The following TSPAN11 variants were observed in gnomAD, a reference collection of about 807,000 sequenced individuals.
TSPAN11 encodes the protein tetraspanin-11.
TSPAN11 carries 29 observed loss-of-function variants against 32.9 expected under a neutral mutation model. The ratio of observed to expected loss-of-function variants is 0.88; its 90% CI spans 0.66 to 1.20. The LOEUF (loss-of-function observed/expected upper bound fraction) is 1.20, where lower values mean the gene tolerates loss of function less well. Ranked by LOEUF, TSPAN11 falls within the 50% of genes most tolerant of loss-of-function variation. The pLI, the probability that TSPAN11 is intolerant of heterozygous loss-of-function variation, is 0.00. For synonymous variants in TSPAN11, 140 were observed against 141.3 expected (o/e 0.99, Z 0.07); for missense variants, 283 against 329.1 (o/e 0.86, Z 1.08).
chr12:30,949,228 A>C (rs1218540456), intron 1 of TSPAN11, among the ~76,000 whole-genome samples: 11 of 151,896 alleles, frequency 7.2e-5, no homozygotes, highest in Admixed American at 7.2e-4. Flanking sequence ...AACTGTTCCA[A>C]CCTCTGCCTG....
intron 1 of TSPAN11, among the ~76,000 whole-genome samples, chr12:30,947,876 GTC>G (rs1419473384): frequency 1.3e-5 from 2 of 152,128 alleles, no homozygotes; most frequent in Non-Finnish European, 2.9e-5. Flanking sequence ...AGAGTCCAAA[GTC>G]TCATCTGAGA....
intron 7 of TSPAN11, among the ~76,000 whole-genome samples, chr12:30,985,801 A>G (rs757615975): frequency 1.2e-4 from 19 of 152,368 alleles, no homozygotes; most frequent in Non-Finnish European, 1.0e-4. Context: ...GCACAGCTGC[A>G]TAAGTCTGAT....
chr12:30,990,239 G>A (rs549653025), intron 7 of TSPAN11, among the ~76,000 whole-genome samples: 1 of 152,280 alleles, frequency 6.6e-6, no homozygotes, highest in Admixed American at 6.5e-5. Flanking sequence ...TGGGAGGCTC[G>A]CTGGGAACAC....
the TSPAN11 span, among the ~76,000 whole-genome samples, chr12:31,004,537 G>A: frequency 2.6e-5 from 4 of 152,276 alleles, no homozygotes; most frequent in East Asian, 3.9e-4. Flanking sequence ...AATCAGGGGC[G>A]CCACTTCCAC....
intron 1 of TSPAN11, among the ~76,000 whole-genome samples, chr12:30,943,896 A>AC: frequency 6.6e-6 from 1 of 152,364 alleles, no homozygotes; most frequent in East Asian, 1.9e-4. Context: ...AGGGGCTGTA[A>AC]CCAAGTTTCA....
the TSPAN11 span, among the ~76,000 whole-genome samples, chr12:31,009,587 C>T: frequency 6.6e-6 from 1 of 152,116 alleles, no homozygotes; most frequent in Admixed American, 6.6e-5. Context: ...ACAGAAGTGC[C>T]ACCCCACCTT....
intron 3 of TSPAN11, among the ~76,000 whole-genome samples, chr12:30,973,318 G>A (rs981745723): frequency 6.6e-6 from 1 of 152,226 alleles, no homozygotes; most frequent in Non-Finnish European, 1.5e-5. Flanking sequence ...AGCGTGGACA[G>A]GAGAGACCAT....
intron 1 of TSPAN11, among the ~76,000 whole-genome samples, chr12:30,930,166 C>G (rs1320105158): frequency 6.6e-6 from 1 of 152,128 alleles, no homozygotes; most frequent in South Asian, 2.1e-4. Flanking sequence ...CACAAGATGG[C>G]ACTCCACAGG....
intron 3 of TSPAN11, among the ~76,000 whole-genome samples, chr12:30,966,176 C>T (rs1938729140): frequency 6.6e-6 from 1 of 152,036 alleles, no homozygotes; most frequent in Non-Finnish European, 1.5e-5. Flanking sequence ...CTAGGGCTCC[C>T]CCAAGCAGGC....
intron 1 of TSPAN11, among the ~76,000 whole-genome samples, chr12:30,933,396 G>A (rs1937974851): frequency 6.6e-6 from 1 of 152,248 alleles, no homozygotes; most frequent in African/African-American, 2.4e-5. Context: ...CCTGCAGCCA[G>A]TAAGACATTA....
At chr12:30,948,097 A>G (rs191602005) in intron 1 of TSPAN11, among the ~76,000 whole-genome samples, 8 of 152,338 alleles carry the variant, frequency 5.3e-5, no homozygotes, top group Admixed American at 2.0e-4. Flanking sequence ...CTTTGACTCC[A>G]GCTCTCACAT....
chr12:30,931,495 C>A (rs990225941), intron 1 of TSPAN11, among the ~76,000 whole-genome samples: 1 of 70,316 alleles, frequency 1.4e-5, no homozygotes, highest in Admixed American at 9.2e-5. Context: ...TCTTGAAATG[C>A]GGTAGAGATT....
chr12:30,968,960 G>A (rs1238706505), intron 3 of TSPAN11, among the ~76,000 whole-genome samples: 1 of 152,136 alleles, frequency 6.6e-6, no homozygotes, highest in African/African-American at 2.4e-5. Context: ...CTGCCTCCTT[G>A]TGTTGCCATT....
intron 1 of TSPAN11, among the ~76,000 whole-genome samples, chr12:30,946,833 G>A (rs79945270): frequency 0.044 from 6,726 of 152,084 alleles, 372 homozygotes; most frequent in East Asian, 0.14. Context: ...CTCTCCTTTG[G>A]GGCTGTCCCT....
chr12:30,927,003 CA>C, intron 1 of TSPAN11: 1 of 1,283,274 alleles, frequency 7.8e-7, no homozygotes, highest in Non-Finnish European at 1.0e-6. Context: ...GGCATGTGAG[CA>C]GGTATTGGTG....
At chr12:30,973,089 C>T (rs558739424) in intron 3 of TSPAN11, among the ~76,000 whole-genome samples, 2 of 152,290 alleles carry the variant, frequency 1.3e-5, no homozygotes, top group South Asian at 4.1e-4. Context: ...CTCATCCGTC[C>T]ATCCCTCCCC....
At chr12:31,008,111 CTTTTTT>C in the TSPAN11 span, among the ~76,000 whole-genome samples, 100,292 of 145,380 alleles carry the variant, frequency 0.69, 35,065 homozygotes, top group Non-Finnish European at 0.78. Context: ...TTTCTTTTTT[CTTTTTT>C]TTTTTTTTTT....
intron 1 of TSPAN11, among the ~76,000 whole-genome samples, chr12:30,929,587 T>C (rs952811175): frequency 6.6e-6 from 1 of 152,164 alleles, no homozygotes; most frequent in Non-Finnish European, 1.5e-5. Flanking sequence ...CGTCCTCTAT[T>C]GGGGGTGTTC....
the TSPAN11 span, among the ~76,000 whole-genome samples, chr12:31,008,621 C>T: frequency 2.7e-3 from 409 of 152,364 alleles, 2 homozygotes; most frequent in African/African-American, 9.1e-3. Context: ...CCAGCAGCAG[C>T]ATCTGGCTAG....
Sources: allele counts gnomAD v4.1 joint callset (sites outside exome capture counted in the v4.1 genomes callset), GRCh38; gene constraint gnomAD v4.1.1; transcripts MANE v1.5; gene names NCBI Gene and HGNC (gene_info 2026-07-23, HGNC 2026-07-21).